The following EIF3K variants were observed in gnomAD, a reference collection of about 807,000 sequenced individuals.
EIF3K encodes the protein eukaryotic translation initiation factor 3 subunit K, also known as eIF-3 p28.
Under a neutral mutation model 34.2 loss-of-function variants are expected in EIF3K, and 27 were observed. That is an observed-to-expected ratio of 0.79 (90% confidence interval 0.58 to 1.09). The LOEUF (loss-of-function observed/expected upper bound fraction) is 1.09. EIF3K is among the 50% of genes least tolerant of loss of function. The pLI is 0.00. For synonymous variants in EIF3K, 105 were observed against 105.7 expected (o/e 0.99, Z 0.04); for missense variants, 232 against 275.4 (o/e 0.84, Z 1.11).
rs199747253 is a variant in EIF3K at position 38,636,883 on chromosome 19, C to T, written c.626-6C>T. The T allele has an allele frequency of 9.9e-6, 16 of 1,614,144 alleles. No individual in the cohort carries two copies. Among genetic ancestry groups the T allele is most frequent in the Non-Finnish European group, 1.4e-5 (16 of 1,180,012 alleles). ...CACCTTCAGTCTGGTCTCTCCTTCC[C>T]CACAGGTGTGTCCAGCATCATGGCC... is the stretch of plus-strand genomic sequence containing the variant. On this transcript the variant is annotated splice_polypyrimidine_tract_variant and splice_region_variant and intron_variant, in intron 7 of 7. Transcript: ENST00000248342.
intron 3 of EIF3K, among the ~76,000 whole-genome samples, chr19:38,624,730 T>C (rs1457212570): frequency 1.3e-5 from 2 of 151,580 alleles, no homozygotes; most frequent in South Asian, 2.1e-4. Flanking sequence ...ACAGTGAGAC[T>C]CTGTCTCAAA....
At chr19:38,633,796 A>T (rs1277697037) in intron 6 of EIF3K, among the ~76,000 whole-genome samples, 2 of 151,868 alleles carry the variant, frequency 1.3e-5, no homozygotes, top group African/African-American at 4.8e-5. Flanking sequence ...AACATGGGGA[A>T]ACCCCGTCTC....
At chr19:38,633,078 G>C (rs574600848) in intron 6 of EIF3K, among the ~76,000 whole-genome samples, 1 of 152,214 alleles carries the variant, frequency 6.6e-6, no homozygotes, top group Non-Finnish European at 1.5e-5. Context: ...CGTAGAGAGA[G>C]GCCCGTGGCC....
At chr19:38,627,391 C>T (rs897852978) in intron 4 of EIF3K, among the ~76,000 whole-genome samples, 36 of 151,640 alleles carry the variant, frequency 2.4e-4, no homozygotes, top group African/African-American at 8.7e-4. Context: ...TGGCTGGCCA[C>T]GGTGGCTCAA....
At chr19:38,622,148 A>C (rs1035670804) in intron 2 of EIF3K, among the ~76,000 whole-genome samples, 11 of 148,432 alleles carry the variant, frequency 7.4e-5, no homozygotes, top group African/African-American at 2.8e-4. Context: ...CCCAGGCTAG[A>C]GTGCCTTGGC....
At chr19:38,622,062 T>G (rs1972951853) in intron 2 of EIF3K, among the ~76,000 whole-genome samples, 1 of 151,602 alleles carries the variant, frequency 6.6e-6, no homozygotes, top group African/African-American at 2.4e-5. Context: ...TGCACCACCA[T>G]GCCCAGCTAA....
At chr19:38,619,446 C>T (rs1202620893) in intron 1 of EIF3K, 119 bp downstream of exon 1, 2 of 1,121,042 alleles carry the variant, frequency 1.8e-6, no homozygotes, top group African/African-American at 1.5e-5. Context: ...TCTCTATCCT[C>T]CTGGAGGAGG....
At chr19:38,620,550 G>A in intron 2 of EIF3K, 115 bp downstream of exon 2, 1 of 892,200 alleles carries the variant, frequency 1.1e-6, no homozygotes, top group African/African-American at 1.7e-5. Context: ...ATCTCTTGGT[G>A]TGCAAGACTA....
chr19:38,631,981 AGCATCTCAAG>A (rs1976077835), intron 4 of EIF3K: 1 of 190,580 alleles, frequency 5.2e-6, no homozygotes, highest in Admixed American at 5.6e-5. Context: ...ACAGATTAAC[AGCATCTCAAG>A]GCAGAAGAAT....
Sources: allele counts gnomAD v4.1 joint callset (sites outside exome capture counted in the v4.1 genomes callset), GRCh38; gene constraint gnomAD v4.1.1; transcripts MANE v1.5; gene names NCBI Gene and HGNC (gene_info 2026-07-23, HGNC 2026-07-21).